Variants in TFB1M observed in about 807,000 individuals in gnomAD.
TFB1M encodes the protein transcription factor B1, mitochondrial, also known as dimethyladenosine transferase 1, mitochondrial.
TFB1M carries 27 observed loss-of-function variants against 31.1 expected under a neutral mutation model. The ratio of observed to expected loss-of-function variants is 0.87; its 90% CI spans 0.64 to 1.20. The LOEUF is 1.20. TFB1M is among the 50% of genes most tolerant of loss of function. TFB1M has a pLI of 0.00. For synonymous variants in TFB1M, 166 were observed against 151.8 expected, an observed-to-expected ratio of 1.09 and a Z score of -0.69; for missense variants, 394 against 418.7, an observed-to-expected ratio of 0.94 and a Z score of 0.51.
the TFB1M span, among the ~76,000 whole-genome samples, chr6:155,248,749 A>C: frequency 6.6e-6 from 1 of 152,234 alleles, no homozygotes; most frequent in Non-Finnish European, 1.5e-5. Flanking sequence ...AAAGCCTTGC[A>C]GTTTGATAGT....
the TFB1M span, among the ~76,000 whole-genome samples, chr6:155,241,997 G>A: frequency 6.6e-6 from 1 of 152,220 alleles, no homozygotes; most frequent in South Asian, 2.1e-4. Flanking sequence ...AGAATTTCCT[G>A]TTAGGCCACG....
intron 4 of TFB1M, among the ~76,000 whole-genome samples, chr6:155,295,905 G>GT (rs1365866009): frequency 6.6e-6 from 1 of 152,178 alleles, no homozygotes; most frequent in Non-Finnish European, 1.5e-5. Flanking sequence ...ATACTACACT[G>GT]TTTGACATCA....
chr6:155,285,246 C>G lies in TFB1M; in HGVS notation c.578G>C (p.Arg193Pro). 1 of 1,613,998 alleles carries G rather than the reference C, an allele frequency of 6.2e-7. No homozygotes were observed. Among genetic ancestry groups the G allele is most frequent in the South Asian group, 1.1e-5 (1 of 91,072 alleles). The change falls in exon 5 of 7, where the codon CGT becomes CCT. Residue 193 changes from arginine to proline, a missense_variant. Arg to Pro is a moderately radical substitution (Grantham distance 103). Coordinates refer to ENST00000367166, the MANE Select transcript of TFB1M (RefSeq NM_016020.4). ...CTGAGCCATAACAGAGAGGCGACTA[C>G]GCTGTTTGCTTCCTGTATTGGCTGC... The part of the protein sequence containing the change: ...RLAANTGSKQ[R>P]SRLSVMAQYL...
intron 1 of TFB1M, among the ~76,000 whole-genome samples, chr6:155,312,616 G>C (rs1175395601): frequency 6.6e-6 from 1 of 152,024 alleles, no homozygotes; most frequent in Admixed American, 6.5e-5. Flanking sequence ...TTAAAGAAGC[G>C]CTATCAAATC....
Position 155,260,776 on chromosome 6 carries a change from A to G in TFB1M, c.667-376T>C, listed in dbSNP as rs530497003. On this transcript the variant is annotated intron_variant, in intron 5 of 6. Transcript: ENST00000367166. ...AATGAGGAAAAAAATAAGCCGCAGC[A>G]GCAGCTTCAAGACACAGAGAGATGG... 8.7e-6 allele frequency: 3 copies of G among 344,238 alleles called. No individual in the cohort carries two copies. In the East Asian group the frequency reaches 2.3e-4, roughly 26 times the overall value. The allele number at this position is 344,238 out of a possible 1,614,324, so 21.3% of individuals were successfully genotyped here.
At chr6:155,282,430 T>C (rs1020177580) in intron 5 of TFB1M, among the ~76,000 whole-genome samples, 4 of 152,202 alleles carry the variant, frequency 2.6e-5, no homozygotes, top group African/African-American at 9.6e-5. Flanking sequence ...CCGAAAGTGG[T>C]TGTAAGTAAG....
the TFB1M span, chr6:155,245,759 T>TTG: frequency 6.9e-7 from 1 of 1,441,466 alleles, no homozygotes. Context: ...TTTATAGTTT[T>TTG]TTTTTTTTTT....
chr6:155,309,169 T>C (rs1777911784), intron 2 of TFB1M, among the ~76,000 whole-genome samples: 1 of 152,242 alleles, frequency 6.6e-6, no homozygotes, highest in South Asian at 2.1e-4. Context: ...CACTATTTAA[T>C]GATACATTTA....
At chr6:155,264,818 TTATGTAAATGTACA>T (rs1296532941) in intron 5 of TFB1M, among the ~76,000 whole-genome samples, 1 of 152,118 alleles carries the variant, frequency 6.6e-6, no homozygotes, top group Admixed American at 6.5e-5. Context: ...ACTGTGTAAA[TTATGTAAATGTACA>T]TATGTATGTA....
chr6:155,257,655 G>C lies in TFB1M; in HGVS notation c.*181C>G. On this transcript the variant is annotated 3_prime_UTR_variant, in exon 7 of 7. Coordinates refer to ENST00000367166, the MANE Select transcript of TFB1M (RefSeq NM_016020.4). ...TACAGTATATATTAAAAGAAAGCTT[G>C]TACTGTATCTTATTTGATGATATTT... 1.5e-6 allele frequency: 1 copy of C among 650,468 alleles called. No homozygotes were observed. Among genetic ancestry groups the C allele is most frequent in the Non-Finnish European group, 2.6e-6 (1 of 382,820 alleles). 40.3% of individuals were successfully genotyped at this position (650,468 alleles called of 1,614,324 possible). A position where few individuals can be genotyped will look rare whatever the true frequency, so the allele number is the denominator to read the frequency against.
intron 4 of TFB1M, among the ~76,000 whole-genome samples, chr6:155,287,474 T>C (rs1481944643): frequency 6.6e-6 from 1 of 151,682 alleles, no homozygotes; most frequent in Non-Finnish European, 1.5e-5. Flanking sequence ...TAAAAAATAA[T>C]CAAGTCACAG....
intron 4 of TFB1M, among the ~76,000 whole-genome samples, chr6:155,296,126 C>A (rs1777159707): frequency 6.6e-6 from 1 of 152,150 alleles, no homozygotes; most frequent in South Asian, 2.1e-4. Context: ...CTAGAGTGAA[C>A]CCAGAACACT....
chr6:155,281,327 C>A (rs1785487569), intron 5 of TFB1M, among the ~76,000 whole-genome samples: 1 of 152,208 alleles, frequency 6.6e-6, no homozygotes, highest in Admixed American at 6.5e-5. Flanking sequence ...GTCTAGCTTA[C>A]TTGGAAGTCT....
chr6:155,296,426 ATTTTTTTTT>A (rs71023639), intron 4 of TFB1M, among the ~76,000 whole-genome samples: 16 of 103,456 alleles, frequency 1.5e-4, no homozygotes, highest in East Asian at 9.2e-4. Context: ...CACCCAGCTA[ATTTTTTTTT>A]TTTTTTTTTT....
chr6:155,258,447 G>A (rs1417298596), intron 6 of TFB1M, among the ~76,000 whole-genome samples: 8 of 152,154 alleles, frequency 5.3e-5, no homozygotes, highest in Non-Finnish European at 1.2e-4. Flanking sequence ...ATTATTTCTT[G>A]TGTGACAAAT....
At chr6:155,296,836 T>C (rs760007875) in intron 4 of TFB1M, 117 bp downstream of exon 4, 3 of 996,088 alleles carry the variant, frequency 3.0e-6, no homozygotes, top group Non-Finnish European at 4.6e-6. Flanking sequence ...GCTGGGTTCT[T>C]GTGTGTGTAA....
Position 155,258,062 on chromosome 6 carries a change from TGC to T in TFB1M, c.813_814del (p.Gln272AlafsTer29). Reference sequence around the variant, plus strand: ...CAGCCTGCCCGTGCTTTCCAAGCGCTGCGCTTCAGGGAATAACATTCTGAGGG... The same window carrying T: ...CAGCCTGCCCGTGCTTTCCAAGCGCTGCTTCAGGGAATAACATTCTGAGGG... On this transcript the variant is annotated frameshift_variant, in exon 7 of 7. Transcript: ENST00000367166. LOFTEE classifies it low-confidence loss of function (END_TRUNC). 1 of 1,614,210 alleles carries T rather than the reference TGC, an allele frequency of 6.2e-7. No individual in the cohort carries two copies. The highest frequency in any genetic ancestry group is 2.2e-5 in the East Asian group (1 of 44,888).
At chr6:155,248,125 A>G in the TFB1M span, 6 of 1,614,170 alleles carry the variant, frequency 3.7e-6, no homozygotes, top group Admixed American at 1.0e-4. Context: ...GCTGCTGCTC[A>G]AGGAGCTGGT....
chr6:155,293,773 A>G (rs1777037154), intron 4 of TFB1M, among the ~76,000 whole-genome samples: 1 of 152,174 alleles, frequency 6.6e-6, no homozygotes, highest in African/African-American at 2.4e-5. Context: ...TGTACTTCTC[A>G]TTCCAATAAT....
Sources: gnomAD v4.1 joint callset for allele counts (sites outside exome capture counted in the v4.1 genomes callset) on GRCh38, gnomAD v4.1.1 for gene constraint, MANE v1.5 for transcripts, NCBI Gene and HGNC (gene_info 2026-07-23, HGNC 2026-07-21) for gene names.